Variants in TTC12 observed in about 807,000 individuals in gnomAD.
TTC12 encodes the protein tetratricopeptide repeat protein 12.
TTC12 carries 70 observed loss-of-function variants against 90.1 expected under a neutral mutation model. The observed-to-expected ratio is 0.78, with a 90% CI of 0.64 to 0.95. The LOEUF (loss-of-function observed/expected upper bound fraction) is 0.95, where lower values mean the gene tolerates loss of function less well. TTC12 is among the 40% of genes least tolerant of loss of function. TTC12 has a pLI of 0.00. For synonymous variants in TTC12, 296 were observed against 311.5 expected, an observed-to-expected ratio of 0.95 and a Z score of 0.53; for missense variants, 819 against 846.1, an observed-to-expected ratio of 0.97 and a Z score of 0.40.
At chr11:113,321,969 A>G (rs1947362145) in intron 2 of TTC12, among the ~76,000 whole-genome samples, 2 of 152,334 alleles carry the variant, frequency 1.3e-5, no homozygotes, top group South Asian at 4.1e-4. Context: ...CTAAGCCACA[A>G]AAATGGTGGT....
At position 113,341,836 on chromosome 11, in the gene TTC12, G is replaced by GGAAGTGGACTCT; in HGVS notation, c.897_898insAAGTGGACTCTG (p.Arg299_Cys300insLysTrpThrLeu). 1 of 1,612,006 alleles carries GGAAGTGGACTCT rather than the reference G, an allele frequency of 6.2e-7. No individual in the cohort carries two copies. The highest frequency in any genetic ancestry group is 8.5e-7 in the Non-Finnish European group (1 of 1,178,050). On this transcript the variant is annotated inframe_insertion and splice_region_variant. Transcript: ENST00000529221. The stretch of plus-strand genomic sequence containing the variant: ...AGATAGCTCTCCTTTGTCCATTCTA[G>GGAAGTGGACTCT]GTGTTTTTCCACAGCAGGAAATGAT...
At position 113,359,969 on chromosome 11, in the gene TTC12, C is replaced by A; in HGVS notation, c.1575C>A (p.Cys525Ter). ...GGGCTGTGGAGGTGAGCAGAAGGTGCCTGTCTTTACTAAACAGCCAGGATG... is the reference window on the plus strand; with the variant it reads ...GGGCTGTGGAGGTGAGCAGAAGGTGACTGTCTTTACTAAACAGCCAGGATG... ...EVWAVEVSRR[C>*]LSLLNSQDGG... Residue 525 changes from cysteine to a stop codon, truncating the protein, a stop_gained, in exon 18 of 22, where the codon TGC becomes TGA. Coordinates refer to ENST00000529221, the MANE Select transcript of TTC12 (RefSeq NM_017868.4). LOFTEE classifies it high-confidence loss of function. 6.3e-7 allele frequency: 1 copy of A among 1,599,952 alleles called. No individual in the cohort carries two copies. Among genetic ancestry groups the A allele is most frequent in the Non-Finnish European group, 8.5e-7 (1 of 1,173,664 alleles).
At chr11:113,353,147 T>C (rs1048501021) in intron 16 of TTC12, among the ~76,000 whole-genome samples, 1 of 152,232 alleles carries the variant, frequency 6.6e-6, no homozygotes, top group Non-Finnish European at 1.5e-5. Context: ...TTTTTGACTT[T>C]TTAATAATTG....
intron 3 of TTC12, among the ~76,000 whole-genome samples, chr11:113,323,686 C>T (rs1237676326): frequency 3.9e-5 from 6 of 151,988 alleles, no homozygotes; most frequent in Admixed American, 3.9e-4. Context: ...ACCCCCTGAG[C>T]TTGTGTGATA....
chr11:113,359,289 T>C (rs1236931382), intron 16 of TTC12, 74 bp from the exon 17 acceptor site: 1 of 987,042 alleles, frequency 1.0e-6, no homozygotes. Context: ...CTGAGACCCT[T>C]GTCCAAGGGA....
chr11:113,362,856 A>G lies in TTC12; in HGVS notation c.1716+354A>G, dbSNP rs1010577308. On this transcript the variant is annotated intron_variant, in intron 19 of 21. Transcript: ENST00000529221. Reference sequence around the variant, plus strand: ...TTGTTCTGCTCAGGTTTTGCTACTCATGATGCTTTATACAGTTATCTGGAG... The same window carrying G: ...TTGTTCTGCTCAGGTTTTGCTACTCGTGATGCTTTATACAGTTATCTGGAG... Among the ~76,000 whole-genome samples the G allele has an allele frequency of 7.2e-5, 11 of 152,330 alleles. No homozygotes were observed. In the South Asian group the frequency reaches 2.3e-3, roughly 32 times the overall value.
chr11:113,325,941 T>C (rs1947665007), intron 6 of TTC12, among the ~76,000 whole-genome samples: 1 of 152,172 alleles, frequency 6.6e-6, no homozygotes. Context: ...GACCATGCAC[T>C]TGTCCCTGTG....
rs766290663 is a variant in TTC12, at chr11:113,364,826, T to G, written c.1817-9T>G. On this transcript the variant is annotated splice_polypyrimidine_tract_variant and intron_variant, in intron 20 of 21. Transcript: ENST00000529221. ...AGGAGCTGTTGCTTGTTCTCTTCTT[T>G]CCCTGCAGAGTTGAGCGTTATGATG... The G allele has an allele frequency of 8.1e-6, 13 of 1,613,304 alleles. No individual in the cohort carries two copies. In the South Asian group the frequency reaches 1.3e-4, roughly 16 times the overall value.
chr11:113,316,055 T>C, intron 1 of TTC12, 188 bp from the exon 2 acceptor site: 1 of 386,850 alleles, frequency 2.6e-6, no homozygotes, highest in Non-Finnish European at 4.6e-6. Flanking sequence ...TTGCCGCACG[T>C]AAATGAGTGC....
At position 113,331,396 on chromosome 11, in the gene TTC12, C is replaced by T. The variant is rs79399706; in HGVS notation, c.504+1417C>T. Among the ~76,000 whole-genome samples the T allele has an allele frequency of 5.9e-5, 9 of 152,270 alleles. No individual in the cohort carries two copies. The South Asian group carries it at 8.3e-4, about 14-fold the overall frequency. On this transcript the variant is annotated intron_variant, in intron 7 of 21. Coordinates refer to ENST00000529221, the MANE Select transcript of TTC12 (RefSeq NM_017868.4). ...AACAACATCATTTGCTGCATGCTCA[C>T]GAAATTCTATTCTGTTCTGTTCAGT...
At chr11:113,368,609 C>A, downstream of TTC12, 1 of 1,022,802 alleles carries the variant, frequency 9.8e-7, no homozygotes, top group South Asian at 1.4e-5. Context: ...TCACTGTCTT[C>A]ATACATGACG....
At chr11:113,334,834 A>G in intron 7 of TTC12, 132 bp from the exon 8 acceptor site, 1 of 637,306 alleles carries the variant, frequency 1.6e-6, no homozygotes, top group Non-Finnish European at 2.7e-6. Context: ...ATGCATAAAA[A>G]AGTTTTGTCA....
downstream of TTC12, chr11:113,368,583 G>GCAGAGCC (rs1253017190): frequency 1.6e-6 from 2 of 1,261,824 alleles, no homozygotes; most frequent in Admixed American, 3.9e-5. Context: ...GCAGGTAACA[G>GCAGAGCC]ACAGTCCAGA....
At chr11:113,350,448 C>A (rs1356512277) in intron 14 of TTC12, among the ~76,000 whole-genome samples, 2 of 152,200 alleles carry the variant, frequency 1.3e-5, no homozygotes, top group African/African-American at 2.4e-5. Flanking sequence ...GTGTCAGGAA[C>A]CTTCCTCCCT....
chr11:113,344,024 T>C (rs1357011016), intron 12 of TTC12, among the ~76,000 whole-genome samples: 7 of 152,194 alleles, frequency 4.6e-5, no homozygotes, highest in African/African-American at 1.7e-4. Flanking sequence ...ATGATGTCCC[T>C]GTAGGTAGGA....
intron 2 of TTC12, among the ~76,000 whole-genome samples, chr11:113,319,735 G>A (rs1465453136): frequency 6.6e-6 from 1 of 151,696 alleles, no homozygotes; most frequent in Non-Finnish European, 1.5e-5. Context: ...TTATTATAAA[G>A]CCATAGTAAT....
chr11:113,337,210 T>G (rs1948420797), intron 8 of TTC12, among the ~76,000 whole-genome samples: 1 of 152,240 alleles, frequency 6.6e-6, no homozygotes, highest in South Asian at 2.1e-4. Context: ...GCTTTCTATG[T>G]GTCAGACACT....
chr11:113,363,989 A>C (rs768295704), intron 20 of TTC12, 62 bp downstream of exon 20: 1 of 1,164,974 alleles, frequency 8.6e-7, no homozygotes, highest in East Asian at 2.4e-5. Context: ...TTGAAGCTGC[A>C]AAGGGAACTG....
downstream of TTC12, chr11:113,368,199 G>A (rs1950275590): frequency 6.8e-7 from 1 of 1,480,122 alleles, no homozygotes; most frequent in African/African-American, 1.4e-5. Context: ...TGCCTGCCGA[G>A]AGCAGTCATC....
Sources: allele counts gnomAD v4.1 joint callset (sites outside exome capture counted in the v4.1 genomes callset), GRCh38; gene constraint gnomAD v4.1.1; transcripts MANE v1.5; gene names NCBI Gene and HGNC (gene_info 2026-07-23, HGNC 2026-07-21).